LINGO2: variants seen among roughly 807,000 people sequenced by gnomAD.
LINGO2 encodes the protein leucine-rich repeat and immunoglobulin-like domain-containing nogo receptor-interacting protein 2.
In LINGO2, 14 loss-of-function variants were observed where a neutral mutation model predicts 30.6. That is an observed-to-expected ratio of 0.46 (90% CI 0.30 to 0.72). LINGO2 has a LOEUF of 0.72. Ranked by LOEUF, LINGO2 falls within the 30% of genes least tolerant of loss-of-function variation. The pLI is 0.07. For missense variants in LINGO2, 729 were observed against 751.7 expected (o/e 0.97, Z 0.35); for synonymous variants, 317 against 288.5 (o/e 1.10, Z -1.00).
intron 4 of LINGO2, among the ~76,000 whole-genome samples, chr9:28,159,653 CTA>C (rs1262519580): frequency 1.3e-5 from 2 of 151,834 alleles, no homozygotes; most frequent in East Asian, 3.9e-4. Flanking sequence ...AAAACAAAGA[CTA>C]GTGTAGAAAT....
chr9:29,031,914 T>C, the LINGO2 span, among the ~76,000 whole-genome samples: 1 of 152,176 alleles, frequency 6.6e-6, no homozygotes, highest in African/African-American at 2.4e-5. Context: ...TAGTGAATTG[T>C]AGGTGACTCA....
At chr9:29,034,082 C>CA in the LINGO2 span, among the ~76,000 whole-genome samples, 16,952 of 141,170 alleles carry the variant, frequency 0.12, 1,032 homozygotes, top group South Asian at 0.17. Flanking sequence ...GATTCCACCT[C>CA]AAAAAAAAAA....
At chr9:28,477,145 A>C (rs1170498079) in intron 1 of LINGO2, among the ~76,000 whole-genome samples, 8 of 152,182 alleles carry the variant, frequency 5.3e-5, no homozygotes, top group African/African-American at 1.9e-4. Flanking sequence ...TTAGAATGTC[A>C]ATCACTTTCC....
At chr9:28,375,138 A>ACAC (rs1348443495) in intron 2 of LINGO2, among the ~76,000 whole-genome samples, 18 of 122,314 alleles carry the variant, frequency 1.5e-4, no homozygotes, top group Non-Finnish European at 3.0e-4. Context: ...ACACACATAC[A>ACAC]CCCCACACTA....
the LINGO2 span, among the ~76,000 whole-genome samples, chr9:29,044,273 A>G: frequency 1.3e-5 from 2 of 152,016 alleles, no homozygotes; most frequent in African/African-American, 2.4e-5. Context: ...TAGAAGTTGG[A>G]AGGGTAGGCA....
intron 4 of LINGO2, among the ~76,000 whole-genome samples, chr9:28,245,236 C>T (rs1014718025): frequency 3.3e-5 from 5 of 152,110 alleles, no homozygotes; most frequent in African/African-American, 1.2e-4. Context: ...GCAGAAAAGG[C>T]CTTCAATAAA....
the LINGO2 span, among the ~76,000 whole-genome samples, chr9:28,721,262 G>T: frequency 6.6e-6 from 1 of 152,058 alleles, no homozygotes; most frequent in African/African-American, 2.4e-5. Context: ...AATTCCTCAA[G>T]GATCTAGAAC....
the LINGO2 span, among the ~76,000 whole-genome samples, chr9:28,933,260 A>C: frequency 6.6e-6 from 1 of 152,062 alleles, no homozygotes; most frequent in Non-Finnish European, 1.5e-5. Context: ...GATCTCCCTA[A>C]AATATAATTT....
At chr9:29,168,306 T>C in the LINGO2 span, among the ~76,000 whole-genome samples, 3 of 152,166 alleles carry the variant, frequency 2.0e-5, no homozygotes, top group Non-Finnish European at 2.9e-5. Flanking sequence ...ATTTGTATGT[T>C]TGATGTAATA....
intron 2 of LINGO2, among the ~76,000 whole-genome samples, chr9:28,409,818 C>CCT (rs1822675578): frequency 6.6e-6 from 1 of 151,196 alleles, no homozygotes; most frequent in East Asian, 1.9e-4. Flanking sequence ...AGCCCAACAA[C>CCT]CTCTTTAAAC....
the LINGO2 span, among the ~76,000 whole-genome samples, chr9:28,783,909 T>C: frequency 6.6e-6 from 1 of 152,182 alleles, no homozygotes; most frequent in Non-Finnish European, 1.5e-5. Flanking sequence ...CATCTTCTTG[T>C]TGCATCCTTA....
the LINGO2 span, among the ~76,000 whole-genome samples, chr9:29,043,333 T>C: frequency 6.6e-6 from 1 of 152,000 alleles, no homozygotes; most frequent in Non-Finnish European, 1.5e-5. Context: ...CTTATGAAAG[T>C]AACTTAGAAT....
the LINGO2 span, among the ~76,000 whole-genome samples, chr9:29,025,003 A>C: frequency 6.6e-6 from 1 of 152,186 alleles, no homozygotes; most frequent in Admixed American, 6.6e-5. Context: ...AGAAAAAAAC[A>C]GAACAGTCCC....
At chr9:28,470,571 A>T (rs943605410) in intron 2 of LINGO2, among the ~76,000 whole-genome samples, 1 of 152,118 alleles carries the variant, frequency 6.6e-6, no homozygotes, top group Admixed American at 6.5e-5. Flanking sequence ...CCTGTTGCCC[A>T]TGTGCCATCC....
At chr9:28,591,787 T>C (rs910435265) in intron 1 of LINGO2, among the ~76,000 whole-genome samples, 4 of 152,040 alleles carry the variant, frequency 2.6e-5, no homozygotes, top group African/African-American at 9.7e-5. Flanking sequence ...TCTTGTTTTG[T>C]AGAGCTTATT....
At position 28,634,454 on chromosome 9, in the gene LINGO2, T is replaced by TC. The variant is rs1207083919; in HGVS notation, c.-365+35745dup. The stretch of plus-strand genomic sequence containing the variant: ...ATTGTCCCTTTAGAACCAACTCCCC[T>TC]CCCCCCACACTTTCTTTCTTTTCTT... On this transcript the variant is annotated intron_variant, in intron 1 of 5. Coordinates refer to ENST00000379992, the Ensembl canonical transcript of LINGO2. Among the ~76,000 whole-genome samples the TC allele has an allele frequency of 4.7e-5, 7 of 149,238 alleles. 1 individual carries two copies. The highest frequency in any genetic ancestry group is 1.7e-4 in the African/African-American group (7 of 40,750).
At chr9:28,787,470 T>G in the LINGO2 span, among the ~76,000 whole-genome samples, 1 of 152,126 alleles carries the variant, frequency 6.6e-6, no homozygotes, top group Admixed American at 6.5e-5. Flanking sequence ...GAAGAGAGAA[T>G]AATTCAGAGA....
chr9:28,234,525 G>A (rs930980984), intron 4 of LINGO2, among the ~76,000 whole-genome samples: 2 of 152,166 alleles, frequency 1.3e-5, no homozygotes, highest in Non-Finnish European at 2.9e-5. Context: ...CTCAATCTAT[G>A]GGACACCAGT....
the LINGO2 span, among the ~76,000 whole-genome samples, chr9:28,814,559 C>G: frequency 2.0e-5 from 3 of 152,096 alleles, no homozygotes; most frequent in African/African-American, 7.2e-5. Flanking sequence ...TATCTCAAAT[C>G]TATTCTCCCT....
Sources: gnomAD v4.1 joint callset for allele counts (sites outside exome capture counted in the v4.1 genomes callset) on GRCh38, gnomAD v4.1.1 for gene constraint, MANE v1.5 for transcripts, NCBI Gene and HGNC (gene_info 2026-07-23, HGNC 2026-07-21) for gene names.